AAAS: variants seen among roughly 807,000 people sequenced by gnomAD.
The protein encoded by AAAS is aladin WD repeat nucleoporin.
AAAS carries 60 observed loss-of-function variants against 75.6 expected under a neutral mutation model. The observed-to-expected ratio is 0.79, with a 90% CI of 0.64 to 0.98. AAAS has a LOEUF of 0.98. AAAS is among the 50% of genes least tolerant of loss of function. The probability of loss-of-function intolerance (pLI) is 0.00; values close to 1 mark genes in which losing one functional copy is unlikely to be tolerated. For synonymous variants in AAAS, 271 were observed against 265.0 expected, an observed-to-expected ratio of 1.02 and a Z score of -0.22; for missense variants, 658 against 686.9, an observed-to-expected ratio of 0.96 and a Z score of 0.47.
At position 53,321,579 on chromosome 12, in the gene AAAS, G is replaced by A; in HGVS notation, c.-114C>T. ...TTCGTATGCGGACGGGTACCGCAAG[G>A]GACAAACGGCGAGGCGGAACTCAAC... On this transcript the variant is annotated 5_prime_UTR_variant, in exon 1 of 16. Transcript: ENST00000209873. 2 of 1,564,586 alleles carry A rather than the reference G, an allele frequency of 1.3e-6. No homozygotes were observed. Among genetic ancestry groups the A allele is most frequent in the Non-Finnish European group, 1.7e-6 (2 of 1,147,208 alleles).
rs1384239990 is a variant in AAAS, at chr12:53,318,868, C to G, written c.251+1697G>C. 2.0e-5 allele frequency among the ~76,000 whole-genome samples: 3 copies of G among 152,242 alleles called. No individual in the cohort carries two copies. In the East Asian group the frequency reaches 5.8e-4, roughly 29 times the overall value. On this transcript the variant is annotated intron_variant, in intron 2 of 15. Transcript: ENST00000209873. ...TAAGGGACATCAGGAAGAGGAGCCA[C>G]CAAAAACCCTGAGAAGCAGCAGCCA...
chr12:53,320,500 G>A (rs1026877661), intron 2 of AAAS, 65 bp downstream of exon 2: 14 of 1,608,814 alleles, frequency 8.7e-6, no homozygotes, highest in South Asian at 1.1e-5. Context: ...CCAAGGTAAA[G>A]GGGTGTTGAC....
At chr12:53,311,132 T>C (rs1592514899) in intron 7 of AAAS, among the ~76,000 whole-genome samples, 1 of 152,124 alleles carries the variant, frequency 6.6e-6, no homozygotes, top group South Asian at 2.1e-4. Context: ...ATTTTTTGTA[T>C]AGACAGCATC....
chr12:53,308,694 C>T (rs748735448), intron 11 of AAAS, 31 bp downstream of exon 11: 34 of 1,612,956 alleles, frequency 2.1e-5, no homozygotes, highest in African/African-American at 8.0e-5. Flanking sequence ...CCTCTGACCA[C>T]CCCAAATACT....
intron 7 of AAAS, chr12:53,309,989 G>GC: frequency 1.9e-6 from 1 of 523,274 alleles, no homozygotes; most frequent in South Asian, 2.0e-5. Context: ...CACGAGATAG[G>GC]CCATGAGGCA....
chr12:53,315,610 G>C, intron 3 of AAAS, 117 bp downstream of exon 3: 1 of 1,357,746 alleles, frequency 7.4e-7, no homozygotes, highest in Non-Finnish European at 1.0e-6. Flanking sequence ...AGGTAGAGGA[G>C]AGGACAGGAA....
At position 53,320,578 on chromosome 12, in the gene AAAS, A is replaced by G; in HGVS notation, c.238T>C (p.Cys80Arg). 1 of 1,613,970 alleles carries G rather than the reference A, an allele frequency of 6.2e-7. No individual in the cohort carries two copies. The highest frequency in any genetic ancestry group is 8.5e-7 in the Non-Finnish European group (1 of 1,179,964). Residue 80 changes from cysteine to arginine, a missense_variant, in exon 2 of 16, where the codon TGC becomes CGC. Cys to Arg is a radical substitution (Grantham distance 180). Transcript: ENST00000209873. ...GCCATGCCTCACCAAATGTTGATGC[A>G]TCTCTTCCACACTTGCTCCCGGTGA... ...IHHREQVWKR[C>R]INIWRDVGLF... is the part of the protein sequence containing the mutation.
chr12:53,307,596 T>C lies in AAAS; in HGVS notation c.1534A>G (p.Ile512Val). 1.9e-6 allele frequency: 3 copies of C among 1,614,176 alleles called. No homozygotes were observed. The highest frequency in any genetic ancestry group is 1.7e-6 in the Non-Finnish European group (2 of 1,180,028). ...QEPPAGGGGS[I>V]HDLPLFTETS... ...TCAGTAAAGAGGGGCAGGTCATGAA[T>C]AGAGCCTCCACCCCCAGCAGGGGGT... The change falls in exon 16 of 16, where the codon ATT (isoleucine) becomes GTT (valine). Residue 512 changes from isoleucine to valine, a missense_variant. Physicochemically the swap from Ile to Val is conservative, Grantham distance 29 (BLOSUM62 3). Transcript: ENST00000209873.
At chr12:53,321,284 C>G (rs1013024953) in intron 1 of AAAS, 59 bp downstream of exon 1, 30 of 1,595,260 alleles carry the variant, frequency 1.9e-5, no homozygotes, top group Non-Finnish European at 2.3e-5. Flanking sequence ...CTCCTTTCCC[C>G]AGTAGTCCCC....
At chr12:53,312,859 T>C (rs1944411407) in intron 7 of AAAS, among the ~76,000 whole-genome samples, 1 of 35,846 alleles carries the variant, frequency 2.8e-5, no homozygotes, top group African/African-American at 5.9e-5. Context: ...TATATATATA[T>C]ATATTTTTTT....
At chr12:53,315,287 G>A in intron 4 of AAAS, 48 bp downstream of exon 4, 1 of 1,606,524 alleles carries the variant, frequency 6.2e-7, no homozygotes, top group Non-Finnish European at 8.5e-7. Context: ...GGCAGAGTAG[G>A]ATGGGGACAC....
chr12:53,315,210 G>A (rs1380139059), intron 4 of AAAS, 70 bp from the exon 5 acceptor site: 3 of 1,602,394 alleles, frequency 1.9e-6, no homozygotes, highest in Admixed American at 1.7e-5. Context: ...TTCCAACAGG[G>A]GAGCTGGACC....
chr12:53,318,245 C>CGTGTGTGT (rs1165918605), intron 2 of AAAS, among the ~76,000 whole-genome samples: 2 of 78,832 alleles, frequency 2.5e-5, no homozygotes, highest in Non-Finnish European at 6.8e-5. Context: ...TGTGTGTGTG[C>CGTGTGTGT]GTGTGTGTGT....
At chr12:53,320,421 A>G in intron 2 of AAAS, 144 bp downstream of exon 2, 1 of 1,205,204 alleles carries the variant, frequency 8.3e-7, no homozygotes, top group Non-Finnish European at 1.2e-6. Flanking sequence ...AAGGACTAAA[A>G]ATTTCATATG....
At position 53,320,593 on chromosome 12, in the gene AAAS, G is replaced by C. The variant is rs745953038; in HGVS notation, c.223C>G (p.Gln75Glu). ...TRTAFIHHREQVWKRCINIWR... is the reference protein window; with the variant it reads ...TRTAFIHHREEVWKRCINIWR... ...ATGTTGATGCATCTCTTCCACACTT[G>C]CTCCCGGTGATGGATGAAGGCAGTT... Residue 75 changes from glutamine (Q) to glutamate (E), a missense_variant, in exon 2 of 16, where the codon CAA becomes GAA. Transcript: ENST00000209873. 3 of 1,613,948 alleles carry C rather than the reference G, an allele frequency of 1.9e-6. No homozygotes were observed. Among genetic ancestry groups the C allele is most frequent in the South Asian group, 2.2e-5 (2 of 91,066 alleles).
At chr12:53,308,613 C>T (rs1181384873) in intron 11 of AAAS, 85 bp from the exon 12 acceptor site, 13 of 1,597,354 alleles carry the variant, frequency 8.1e-6, no homozygotes, top group Non-Finnish European at 1.1e-5. Flanking sequence ...GCATCAACAC[C>T]TCGAAATCTC....
In AAAS at chr12:53,321,548, G is replaced by A. The variant is rs1166263786; in HGVS notation, c.-83C>T. The A allele has an allele frequency of 2.0e-5, 32 of 1,605,596 alleles. No individual in the cohort carries two copies. The East Asian group carries it at 6.9e-4, about 35-fold the overall frequency. ...CGCACTCCCGCAACTCGGTTCCCGG[G>A]CTAGATTCGTATGCGGACGGGTACC... On this transcript the variant is annotated 5_prime_UTR_variant, in exon 1 of 16. Transcript: ENST00000209873.
chr12:53,320,118 CA>C (rs548394452), intron 2 of AAAS, among the ~76,000 whole-genome samples: 118 of 136,100 alleles, frequency 8.7e-4, no homozygotes, highest in Middle Eastern at 3.7e-3. Flanking sequence ...AACTCCATCT[CA>C]AAAAAAAAAA....
chr12:53,311,580 A>G (rs1369977217), intron 7 of AAAS, among the ~76,000 whole-genome samples: 2 of 152,094 alleles, frequency 1.3e-5, no homozygotes, highest in African/African-American at 4.8e-5. Flanking sequence ...TAGCCACTGT[A>G]TTCCAGCCTG....
Sources: gnomAD v4.1 joint callset for allele counts (sites outside exome capture counted in the v4.1 genomes callset) on GRCh38, gnomAD v4.1.1 for gene constraint, MANE v1.5 for transcripts, NCBI Gene and HGNC (gene_info 2026-07-23, HGNC 2026-07-21) for gene names.